MBP: variants seen among roughly 807,000 people sequenced by gnomAD.
The protein encoded by MBP is myelin basic protein.
A neutral mutation model predicts 35.8 loss-of-function variants in MBP; 16 were observed. That is an observed-to-expected ratio of 0.45 (90% CI 0.30 to 0.68). The LOEUF is 0.68. Ranked by LOEUF, MBP falls within the 30% of genes least tolerant of loss-of-function variation. The pLI is 0.08. For synonymous variants in MBP, 143 were observed against 159.6 expected, an observed-to-expected ratio of 0.90 and a Z score of 0.78; for missense variants, 380 against 404.7, an observed-to-expected ratio of 0.94 and a Z score of 0.52.
At chr18:77,024,119 A>G (rs1358340054) in intron 3 of MBP, among the ~76,000 whole-genome samples, 1 of 152,262 alleles carries the variant, frequency 6.6e-6, no homozygotes, top group Non-Finnish European at 1.5e-5. Context: ...TTTTTAAGTC[A>G]GCCTCTACAC....
At chr18:77,018,612 T>TCATCCACC (rs1971807312) in intron 3 of MBP, among the ~76,000 whole-genome samples, 1 of 110,972 alleles carries the variant, frequency 9.0e-6, no homozygotes, top group Admixed American at 9.0e-5. Flanking sequence ...ATCTATCCAC[T>TCATCCACC]CATCCATCCA....
chr18:77,047,353 C>A lies in MBP; in HGVS notation c.139+18945G>T, dbSNP rs564492345. 5.3e-5 allele frequency among the ~76,000 whole-genome samples: 8 copies of A among 152,360 alleles called. No individual in the cohort carries two copies. The South Asian group carries it at 1.7e-3, about 32-fold the overall frequency. On this transcript the variant is annotated intron_variant, in intron 3 of 8. Coordinates refer to ENST00000355994, the MANE Select transcript of MBP (RefSeq NM_001025101.2). ...TGCGCTACTCCATGATGAACCTCAC[C>A]AGCATTGTGTGAAGTGAAAGAAGCC...
At chr18:77,067,659 C>T (rs962449135) in intron 2 of MBP, among the ~76,000 whole-genome samples, 5 of 152,158 alleles carry the variant, frequency 3.3e-5, no homozygotes, top group Non-Finnish European at 7.3e-5. Flanking sequence ...CTGGTGCTAC[C>T]CACCAGCAGC....
intron 3 of MBP, among the ~76,000 whole-genome samples, chr18:77,022,184 C>T (rs929442963): frequency 2.6e-5 from 4 of 152,192 alleles, no homozygotes; most frequent in Non-Finnish European, 4.4e-5. Context: ...GGCAGGTTAA[C>T]CTGCTCTCAC....
intron 4 of MBP, among the ~76,000 whole-genome samples, chr18:76,993,709 G>A (rs1358316430): frequency 2.6e-5 from 4 of 152,166 alleles, no homozygotes; most frequent in African/African-American, 7.2e-5. Context: ...GGCACAGAGC[G>A]CAGCTCCCAT....
intron 2 of MBP, among the ~76,000 whole-genome samples, chr18:77,085,907 C>T (rs573800096): frequency 6.6e-6 from 1 of 152,204 alleles, no homozygotes; most frequent in East Asian, 1.9e-4. Flanking sequence ...TGGTCTCGAT[C>T]TCCTGACCTC....
intron 2 of MBP, among the ~76,000 whole-genome samples, chr18:77,076,249 G>A (rs758586812): frequency 6.6e-6 from 1 of 152,210 alleles, no homozygotes; most frequent in Non-Finnish European, 1.5e-5. Context: ...ACAGTGGGGT[G>A]GGTTTGGCAC....
chr18:77,090,775 C>T (rs1003291085), intron 2 of MBP, among the ~76,000 whole-genome samples: 2 of 152,230 alleles, frequency 1.3e-5, no homozygotes, highest in Non-Finnish European at 2.9e-5. Flanking sequence ...AACCCATGTC[C>T]TCTAGCACTG....
At chr18:77,084,419 C>T (rs1356248415) in intron 2 of MBP, among the ~76,000 whole-genome samples, 4 of 42,126 alleles carry the variant, frequency 9.5e-5, no homozygotes, top group African/African-American at 1.4e-4. Context: ...CCGCCCCCCC[C>T]GCCACACCAC....
intron 1 of MBP, among the ~76,000 whole-genome samples, chr18:77,129,636 G>A (rs1480678411): frequency 6.6e-6 from 1 of 151,902 alleles, no homozygotes; most frequent in Non-Finnish European, 1.5e-5. Context: ...TGTGGCATGA[G>A]CACTCTTCCC....
intron 4 of MBP, among the ~76,000 whole-genome samples, chr18:76,999,254 C>T (rs1171223613): frequency 1.3e-5 from 2 of 152,206 alleles, no homozygotes; most frequent in East Asian, 1.9e-4. Flanking sequence ...GACGCTGAAG[C>T]GGGTGGCGCA....
intron 3 of MBP, chr18:77,017,550 G>A: frequency 3.2e-6 from 1 of 310,184 alleles, no homozygotes; most frequent in African/African-American, 2.1e-5. Context: ...AGCATGCAGA[G>A]CAGCCACATC....
chr18:77,018,266 A>G (rs557974439), intron 3 of MBP, among the ~76,000 whole-genome samples: 20 of 133,416 alleles, frequency 1.5e-4, no homozygotes, highest in Non-Finnish European at 2.8e-4. Context: ...CCACCCCTCC[A>G]TCTATCCACT....
chr18:76,993,151 C>T (rs1361924550), intron 4 of MBP, among the ~76,000 whole-genome samples: 1 of 152,180 alleles, frequency 6.6e-6, no homozygotes, highest in Non-Finnish European at 1.5e-5. Flanking sequence ...CATTACTTCC[C>T]AACTAAATGC....
chr18:77,120,111 C>A (rs938277538), intron 1 of MBP, among the ~76,000 whole-genome samples: 1 of 152,252 alleles, frequency 6.6e-6, no homozygotes, highest in African/African-American at 2.4e-5. Context: ...GCATGAATCC[C>A]GCCTTGTCTC....
intron 3 of MBP, among the ~76,000 whole-genome samples, chr18:77,050,067 T>C (rs8088304): frequency 0.2 from 30,820 of 152,100 alleles, 3,617 homozygotes; most frequent in South Asian, 0.32. Context: ...TAGTGTAGAG[T>C]TTGTCATTGC....
chr18:77,067,879 C>T (rs748721615), intron 2 of MBP: 1 of 504,596 alleles, frequency 2.0e-6, no homozygotes, highest in Non-Finnish European at 4.0e-6. Context: ...AAGTCTGATT[C>T]AGACCTAGTG....
chr18:76,998,170 C>T (rs1357952673), intron 4 of MBP, among the ~76,000 whole-genome samples: 1 of 152,208 alleles, frequency 6.6e-6, no homozygotes, highest in Non-Finnish European at 1.5e-5. Context: ...ATGAAACACT[C>T]ACTCTCCATC....
At chr18:77,103,417 G>C (rs1477215218) in intron 2 of MBP, among the ~76,000 whole-genome samples, 1 of 152,130 alleles carries the variant, frequency 6.6e-6, no homozygotes, top group East Asian at 1.9e-4. Flanking sequence ...CATCTGCCTC[G>C]AGTTGGAGAC....
Sources: allele counts gnomAD v4.1 joint callset (sites outside exome capture counted in the v4.1 genomes callset), GRCh38; gene constraint gnomAD v4.1.1; transcripts MANE v1.5; gene names NCBI Gene and HGNC (gene_info 2026-07-23, HGNC 2026-07-21).